Variants in FAT3 observed in about 807,000 individuals in gnomAD.
The protein encoded by FAT3 is FAT atypical cadherin 3, also known as protocadherin Fat 3.
A neutral mutation model predicts 310.2 loss-of-function variants in FAT3; 95 were observed. The observed-to-expected ratio is 0.31, with a 90% CI of 0.26 to 0.36. The LOEUF is 0.36. Among genes scored for constraint, FAT3 ranks in the 10% least tolerant of loss-of-function variants. FAT3 has a pLI of 1.00. For missense variants in FAT3, 5,408 were observed against 5,715.6 expected, an observed-to-expected ratio of 0.95 and a Z score of 1.74; for synonymous variants, 2,314 against 2,192.9, an observed-to-expected ratio of 1.06 and a Z score of -1.54.
rs551472472 is a variant in FAT3, at chr11:92,514,441, T to A, written c.3293-10193T>A. 3.3e-5 allele frequency among the ~76,000 whole-genome samples: 5 copies of A among 152,308 alleles called. No homozygotes were observed. In the East Asian group the frequency reaches 9.6e-4, roughly 29 times the overall value. ...TAAACATCAGGGTAAAATTTGAGCA[T>A]CTCAACATAATCCACCTTGAGCATT... On this transcript the variant is annotated intron_variant, in intron 2 of 27. Transcript: ENST00000525166.
intron 3 of FAT3, among the ~76,000 whole-genome samples, chr11:92,547,488 T>C (rs1565401230): frequency 6.6e-6 from 1 of 152,128 alleles, no homozygotes; most frequent in Non-Finnish European, 1.5e-5. Flanking sequence ...ATAAAACTAA[T>C]AAAATATGTT....
chr11:92,865,649 C>T (rs565197703), intron 21 of FAT3, among the ~76,000 whole-genome samples: 1 of 152,290 alleles, frequency 6.6e-6, no homozygotes, highest in Admixed American at 6.5e-5. Context: ...AAGGGTGCAG[C>T]CCTCATTCCC....
At chr11:92,765,582 T>G (rs1166252289) in intron 6 of FAT3, among the ~76,000 whole-genome samples, 1 of 152,188 alleles carries the variant, frequency 6.6e-6, no homozygotes, top group Non-Finnish European at 1.5e-5. Context: ...GAAGGTACCC[T>G]TAGTGCAAAC....
At chr11:92,672,378 T>C (rs1052230320) in intron 3 of FAT3, among the ~76,000 whole-genome samples, 2 of 152,148 alleles carry the variant, frequency 1.3e-5, no homozygotes, top group African/African-American at 4.8e-5. Context: ...AGAAATATCT[T>C]TATAGCAGAA....
chr11:92,604,451 G>A (rs74661671), intron 3 of FAT3, among the ~76,000 whole-genome samples: 5,293 of 152,190 alleles, frequency 0.035, 216 homozygotes, highest in East Asian at 0.21. Flanking sequence ...GTGATTAGTT[G>A]ATAATCCTCC....
intron 22 of FAT3, among the ~76,000 whole-genome samples, chr11:92,873,722 C>T (rs1949450792): frequency 6.6e-6 from 1 of 152,190 alleles, no homozygotes; most frequent in South Asian, 2.1e-4. Flanking sequence ...ATGCAGATTT[C>T]AAAACCATCT....
chr11:92,489,519 T>A (rs1952538873), intron 2 of FAT3, among the ~76,000 whole-genome samples: 1 of 152,076 alleles, frequency 6.6e-6, no homozygotes, highest in Non-Finnish European at 1.5e-5. Flanking sequence ...TATACGATAG[T>A]TTGTTTTTGC....
At chr11:92,844,833 A>G in intron 19 of FAT3, 101 bp downstream of exon 19, 1 of 1,288,288 alleles carries the variant, frequency 7.8e-7, no homozygotes. Context: ...GTTCAACTAA[A>G]TATTAAATGA....
At chr11:92,768,439 C>G (rs547980575) in intron 6 of FAT3, among the ~76,000 whole-genome samples, 2 of 152,228 alleles carry the variant, frequency 1.3e-5, no homozygotes, top group Non-Finnish European at 2.9e-5. Context: ...ATATGGTCCA[C>G]GTTCCACCAA....
At chr11:92,750,234 GCT>G (rs1294296483) in intron 4 of FAT3, among the ~76,000 whole-genome samples, 1 of 152,156 alleles carries the variant, frequency 6.6e-6, no homozygotes, top group South Asian at 2.1e-4. Context: ...ACTCTTTTGA[GCT>G]CTGTCTTCTA....
At chr11:92,229,128 C>T (rs1404139659) in intron 1 of FAT3, among the ~76,000 whole-genome samples, 3 of 152,190 alleles carry the variant, frequency 2.0e-5, no homozygotes, top group Non-Finnish European at 4.4e-5. Context: ...CTGATTTCTA[C>T]AGATATGCAT....
At chr11:92,594,884 G>A (rs1284623268) in intron 3 of FAT3, among the ~76,000 whole-genome samples, 2 of 152,012 alleles carry the variant, frequency 1.3e-5, no homozygotes, top group Non-Finnish European at 2.9e-5. Context: ...GAGGTAGATT[G>A]CTTACGGGAG....
intron 3 of FAT3, among the ~76,000 whole-genome samples, chr11:92,609,171 G>A (rs190636050): frequency 6.6e-6 from 1 of 152,286 alleles, no homozygotes; most frequent in East Asian, 1.9e-4. Flanking sequence ...AATTAACTGT[G>A]GGTGGTTCAG....
intron 2 of FAT3, among the ~76,000 whole-genome samples, chr11:92,379,082 CT>C (rs1225740244): frequency 5.9e-5 from 9 of 152,236 alleles, no homozygotes; most frequent in Non-Finnish European, 1.0e-4. Flanking sequence ...ATCATACCCC[CT>C]GCCACTCCTC....
At position 92,799,819 on chromosome 11, in the gene FAT3, C is replaced by G. The variant is rs759907464; in HGVS notation, c.6806C>G (p.Ala2269Gly). 2.5e-6 allele frequency: 4 copies of G among 1,613,286 alleles called. No individual in the cohort carries two copies. The South Asian group carries it at 4.4e-5, about 18-fold the overall frequency. The change falls in exon 10 of 28, where the codon GCT (alanine) becomes GGT (glycine). Residue 2269 changes from alanine to glycine, a missense_variant. Ala to Gly is a moderately conservative substitution (Grantham distance 60). Around this residue, in one of 5 missense-constraint regions of FAT3, gnomAD observed 4,588 missense variants for 4,809.8 expected, o/e 0.95. Coordinates refer to ENST00000525166, the MANE Select transcript of FAT3 (RefSeq NM_001367949.2). ...RASDALTGAR[A>G]EVTVDLLVND... is the part of the protein sequence containing the mutation. ...AGCGACGCCCTTACTGGTGCTAGGG[C>G]TGAAGTCACTGTTGACTTGCTAGTT...
At chr11:92,612,953 A>G (rs1209312034) in intron 3 of FAT3, among the ~76,000 whole-genome samples, 1 of 152,212 alleles carries the variant, frequency 6.6e-6, no homozygotes, top group Non-Finnish European at 1.5e-5. Flanking sequence ...CATGTGTGCT[A>G]TGCCAGTGTT....
At chr11:92,407,204 C>T (rs1950153526) in intron 2 of FAT3, among the ~76,000 whole-genome samples, 1 of 152,010 alleles carries the variant, frequency 6.6e-6, no homozygotes. Context: ...CAAGAGAAAG[C>T]CAGGGAGATG....
intron 2 of FAT3, among the ~76,000 whole-genome samples, chr11:92,466,832 G>C (rs1028506192): frequency 3.4e-5 from 5 of 148,096 alleles, no homozygotes; most frequent in African/African-American, 1.2e-4. Context: ...AACATGCGGT[G>C]TTTGGTTTTT....
At chr11:92,442,109 A>ATTTTTTTTTTTTT (rs1258493776) in intron 2 of FAT3, among the ~76,000 whole-genome samples, 20 of 50,082 alleles carry the variant, frequency 4.0e-4, no homozygotes, top group South Asian at 1.1e-3. Flanking sequence ...ATATATATAT[A>ATTTTTTTTTTTTT]TATTTTTTTT....
Sources: allele counts gnomAD v4.1 joint callset (sites outside exome capture counted in the v4.1 genomes callset), GRCh38; gene constraint gnomAD v4.1.1; regional missense constraint gnomAD v4.1.1; transcripts MANE v1.5; gene names NCBI Gene and HGNC (gene_info 2026-07-23, HGNC 2026-07-21).